The following PLEC variants were observed in gnomAD, a reference collection of about 807,000 sequenced individuals.
PLEC encodes the protein plectin, also known as hemidesmosomal protein 1.
A neutral mutation model predicts 392.8 loss-of-function variants in PLEC; 216 were observed. The observed-to-expected ratio is 0.55, with a 90% confidence interval of 0.49 to 0.62. The LOEUF (loss-of-function observed/expected upper bound fraction) is 0.62. Among genes scored for constraint, PLEC ranks in the 20% least tolerant of loss-of-function variants. The pLI is 0.00. For missense variants in PLEC, 6,863 were observed against 6,563.4 expected (o/e 1.05, Z -1.58); for synonymous variants, 3,621 against 2,980.6 (o/e 1.21, Z -7.00).
chr8:143,940,095 A>G (rs1326164857), upstream of PLEC, among the ~76,000 whole-genome samples: 11 of 152,098 alleles, frequency 7.2e-5, no homozygotes, highest in South Asian at 2.1e-4. Flanking sequence ...CAGCCCCCCA[A>G]TCACACCTCT....
At position 143,944,806 on chromosome 8, in the gene PLEC, TGTG is replaced by T. The variant is rs1274535139; in HGVS notation, c.523+5375_523+5377del. The T allele has an allele frequency of 5.7e-6, 5 of 872,622 alleles. No homozygotes were observed. In the East Asian group the frequency reaches 1.0e-4, roughly 17 times the overall value. 54.1% of individuals were successfully genotyped at this position (872,622 alleles called of 1,614,324 possible). A position where few individuals can be genotyped will look rare whatever the true frequency, so the allele number is the denominator to read the frequency against. On this transcript the variant is annotated intron_variant, in intron 1 of 31. Coordinates refer to the PLEC transcript ENST00000322810. ...GGCCGTGCTGCTGTCAGCAGCAGCT[TGTG>T]GGGGAGGGGAGCAGTGGGCAGGGGC...
Position 143,918,833 on chromosome 8 carries a change from T to A in PLEC, c.10988A>T (p.Tyr3663Phe). 1 of 1,613,132 alleles carries A rather than the reference T, an allele frequency of 6.2e-7. No homozygotes were observed. The part of the protein sequence containing the change: ...FEARIISLET[Y>F]NLLREGTRSL... ...CCTGGTGCCCTCCCGGAGCAGGTTG[T>A]AGGTCTCGAGAGAGATGATCCGAGC... Residue 3663 changes from tyrosine to phenylalanine, a missense_variant, in exon 32 of 32, where the codon TAC becomes TTC. Coordinates refer to ENST00000345136, the MANE Select transcript of PLEC (RefSeq NM_201384.3).
upstream of PLEC, among the ~76,000 whole-genome samples, chr8:143,940,006 C>T (rs1318773543): frequency 1.3e-5 from 2 of 152,160 alleles, no homozygotes; most frequent in African/African-American, 4.8e-5. Flanking sequence ...CAGCCTCTGC[C>T]CACCCACCCT....
intron 1 of PLEC, among the ~76,000 whole-genome samples, chr8:143,966,923 G>A (rs962475529): frequency 6.6e-6 from 1 of 152,112 alleles, no homozygotes; most frequent in African/African-American, 2.4e-5. Context: ...AAAGATTAAC[G>A]ACAGAGATGT....
chr8:143,944,536 G>A, upstream of PLEC: 2 of 572,296 alleles, frequency 3.5e-6, no homozygotes, highest in Non-Finnish European at 5.7e-6. Flanking sequence ...GGCAGGCTGT[G>A]TGCAGGGCGA....
In PLEC at chr8:143,950,492, C is replaced by T; in HGVS notation, c.215G>A (p.Trp72Ter). ...GGCGATGCCTTCATTGGTGAGGTAC[C>T]AGTAAAAGTGGCACCAGGCAAAGGT... Residue 72 changes from tryptophan (W) to a stop codon, truncating the protein, a stop_gained, in exon 1 of 32, where the codon TGG becomes TAG. Transcript: ENST00000322810. LOFTEE classifies it high-confidence loss of function. The T allele has an allele frequency of 6.2e-7, 1 of 1,608,528 alleles. No individual in the cohort carries two copies. Among genetic ancestry groups the T allele is most frequent in the South Asian group, 1.1e-5 (1 of 89,842 alleles).
rs148465219 is a variant in PLEC at position 143,927,037 on chromosome 8, C to T, written c.3885G>A (p.Pro1295=). The change falls in exon 29 of 32, where the codon CCG becomes CCA. Residue 1295 remains proline, a synonymous_variant. Coordinates refer to ENST00000345136, the MANE Select transcript of PLEC (RefSeq NM_201384.3). The part of the protein sequence containing the change: ...QLVTYKAQLE[P]VASPAKKPKV... ...TGGGCTTCTTGGCCGGGGAGGCCAC[C>T]GGCTCAAGCTGCGCCTTGTACGTCA... The T allele has an allele frequency of 1.5e-3, 2,484 of 1,612,462 alleles. 5 individuals carry two copies. Among genetic ancestry groups the T allele is most frequent in the Middle Eastern group, 5.3e-3 (32 of 6,062 alleles).
At chr8:143,932,760 C>T in intron 14 of PLEC, 33 bp downstream of exon 14, 1 of 1,609,898 alleles carries the variant, frequency 6.2e-7, no homozygotes, top group Non-Finnish European at 8.5e-7. Context: ...GCCCGGCCCA[C>T]CCCCGCACTG....
In PLEC at chr8:143,916,225, G is replaced by C. The variant is rs781917029; in HGVS notation, c.13596C>G (p.Ala4532=). The part of the protein sequence containing the change: ...YSSSGYGRRY[A]SGSSASLGGP... ...CCCCCAGGGAGGCCGAGGACCCCGA[G>C]GCGTAGCGGCGGCCGTAGCCCGAGG... The change falls in exon 32 of 32, where the codon GCC becomes GCG. Residue 4532 remains alanine, a synonymous_variant. Transcript: ENST00000345136. 1 of 1,546,660 alleles carries C rather than the reference G, an allele frequency of 6.5e-7. No individual in the cohort carries two copies. Among genetic ancestry groups the C allele is most frequent in the East Asian group, 2.5e-5 (1 of 40,778 alleles).
chr8:143,929,528 G>C lies in PLEC; in HGVS notation c.2967C>G (p.Leu989=), dbSNP rs781934397. ...CCTCCAGCTGCAGCCGGATGTCTTTGAGCTCGGAGATGCAGCGCTGGCAGC... is the reference window on the plus strand; with the variant it reads ...CCTCCAGCTGCAGCCGGATGTCTTTCAGCTCGGAGATGCAGCGCTGGCAGC... ...ESRCQRCISE[L]KDIRLQLEAC... Residue 989 remains leucine, a synonymous_variant, in exon 24 of 32, where the codon CTC becomes CTG. Transcript: ENST00000345136. The C allele has an allele frequency of 6.2e-7, 1 of 1,612,640 alleles. No individual in the cohort carries two copies. Among genetic ancestry groups the C allele is most frequent in the Non-Finnish European group, 8.5e-7 (1 of 1,179,916 alleles).
chr8:143,940,507 G>A (rs1392685454), upstream of PLEC, among the ~76,000 whole-genome samples: 1 of 152,056 alleles, frequency 6.6e-6, no homozygotes, highest in South Asian at 2.1e-4. Flanking sequence ...ATGCTGTAAA[G>A]GGCAAAGGGC....
rs370566037 is a variant in PLEC at position 143,950,618 on chromosome 8, T to A, written c.89A>T (p.Asp30Val). The A allele has an allele frequency of 2.3e-4, 368 of 1,603,244 alleles. No individual in the cohort carries two copies. Among genetic ancestry groups the A allele is most frequent in the Admixed American group, 4.3e-4 (25 of 58,372 alleles). ...GGGGTGCAAGCTGCGGGGCCGCCGG[T>A]CCTTCTTGGCCACCATCACGCCCTC... Residue 30 changes from aspartate to valine, a missense_variant, in exon 1 of 32, where the codon GAC becomes GTC. Transcript: ENST00000322810.
At chr8:143,952,715 T>C (rs1554737673), upstream of PLEC, among the ~76,000 whole-genome samples, 1 of 152,108 alleles carries the variant, frequency 6.6e-6, no homozygotes, top group African/African-American at 2.4e-5. Flanking sequence ...TAAAAGCACG[T>C]GGACCTAGGT....
At position 143,931,576 on chromosome 8, in the gene PLEC, G is replaced by A. The variant is rs782261639; in HGVS notation, c.2262C>T (p.Ser754=). ...GGTCCTCCAGCCGGGTGACGGTGGC[G>A]GAGCGATCACAACTGTATTTCCTAC... The part of the protein sequence containing the change: ...ALRRKYSCDR[S]ATVTRLEDLL... Residue 754 remains serine (S), a synonymous_variant, in exon 19 of 32, where the codon TCC becomes TCT. Transcript: ENST00000345136. 66 of 1,597,490 alleles carry A rather than the reference G, an allele frequency of 4.1e-5. No homozygotes were observed. The highest frequency in any genetic ancestry group is 1.1e-4 in the African/African-American group (8 of 74,752).
At chr8:143,939,646 C>G (rs567255568), upstream of PLEC, 11 of 1,421,800 alleles carry the variant, frequency 7.7e-6, 1 homozygote, top group South Asian at 1.6e-4. Context: ...CGAGGCCGGC[C>G]CGCCCCCGAG....
Position 143,923,813 on chromosome 8 carries a change from G to A in PLEC, c.6116C>T (p.Ala2039Val). 1 of 1,582,028 alleles carries A rather than the reference G, an allele frequency of 6.3e-7. No individual in the cohort carries two copies. The highest frequency in any genetic ancestry group is 8.5e-7 in the Non-Finnish European group (1 of 1,172,136). Residue 2039 changes from alanine to valine, a missense_variant, in exon 31 of 32, where the codon GCC becomes GTC. By Grantham distance (64) the Ala-to-Val change is moderately conservative (BLOSUM62 0). Coordinates refer to ENST00000345136, the MANE Select transcript of PLEC (RefSeq NM_201384.3). ...CAGCCGCTTCTGGGCGGCCTCCTGG[G>A]CCAGCTGCAGCTGCCGCGCCGACTC... ...EQESARQLQLAQEAAQKRLQA... is the reference protein window; with the variant it reads ...EQESARQLQLVQEAAQKRLQA...
At chr8:143,953,448 C>CCCG (rs1174485406), upstream of PLEC, among the ~76,000 whole-genome samples, 11,906 of 151,034 alleles carry the variant, frequency 0.079, 1,493 homozygotes, top group African/African-American at 0.27. Context: ...CTGTCCCCGC[C>CCCG]CCGCCGCCGC....
chr8:143,939,674 C>CCGCCGCCAGGGAGGGGAGTGTCCCGG, upstream of PLEC: 1 of 1,395,960 alleles, frequency 7.2e-7, no homozygotes, highest in Non-Finnish European at 9.3e-7. Flanking sequence ...CCTGCCCAGG[C>CCGCCGCCAGGGAGGGGAGTGTCCCGG]CGCCGCCAGG....
intron 20 of PLEC, 37 bp from the exon 21 acceptor site, chr8:143,930,335 C>T: frequency 6.3e-7 from 1 of 1,588,246 alleles, no homozygotes; most frequent in East Asian, 2.3e-5. Context: ...ATGGCCACAC[C>T]CTGCCCTGCC....
Sources: allele counts gnomAD v4.1 joint callset (sites outside exome capture counted in the v4.1 genomes callset), GRCh38; gene constraint gnomAD v4.1.1; transcripts MANE v1.5; gene names NCBI Gene and HGNC (gene_info 2026-07-23, HGNC 2026-07-21).